PLCG2: variants seen among roughly 807,000 people sequenced by gnomAD.
PLCG2 encodes 1-phosphatidylinositol 4,5-bisphosphate phosphodiesterase gamma-2.
A neutral mutation model predicts 175.6 loss-of-function variants in PLCG2; 69 were observed. The observed-to-expected ratio is 0.39, with a 90% CI of 0.32 to 0.48. PLCG2 has a LOEUF of 0.48. PLCG2 is among the 20% of genes least tolerant of loss of function. PLCG2 has a pLI of 0.91. For missense variants in PLCG2, 1,798 were observed against 1,650.9 expected (o/e 1.09, Z -1.54); for synonymous variants, 827 against 624.0 (o/e 1.33, Z -4.85).
chr16:81,805,561 C>G (rs1419696160), intron 2 of PLCG2, among the ~76,000 whole-genome samples: 2 of 149,860 alleles, frequency 1.3e-5, no homozygotes, highest in East Asian at 3.9e-4. Flanking sequence ...AACAAAAGCT[C>G]AACAATAAGA....
intron 2 of PLCG2, among the ~76,000 whole-genome samples, chr16:81,804,182 C>T (rs1376020193): frequency 6.6e-6 from 1 of 152,194 alleles, no homozygotes; most frequent in Non-Finnish European, 1.5e-5. Context: ...TGTATGAGGG[C>T]TCCAACTTCC....
intron 2 of PLCG2, among the ~76,000 whole-genome samples, chr16:81,849,435 A>G (rs999456999): frequency 1.3e-5 from 2 of 152,184 alleles, no homozygotes; most frequent in Admixed American, 6.5e-5. Context: ...TTTTTCTGTA[A>G]GGACAGATGC....
intron 8 of PLCG2, among the ~76,000 whole-genome samples, chr16:81,881,740 G>C (rs1908089889): frequency 6.6e-6 from 1 of 152,044 alleles, no homozygotes; most frequent in East Asian, 1.9e-4. Context: ...CACCTTCCAG[G>C]TTCAAGCGAT....
intron 17 of PLCG2, among the ~76,000 whole-genome samples, chr16:81,909,351 C>T (rs865919122): frequency 1.1e-4 from 17 of 152,194 alleles, no homozygotes; most frequent in East Asian, 1.9e-4. Flanking sequence ...GATGCCCTGA[C>T]GTGGGGAATG....
chr16:81,948,770 C>A (rs1911252137), intron 31 of PLCG2, among the ~76,000 whole-genome samples: 1 of 152,110 alleles, frequency 6.6e-6, no homozygotes, highest in African/African-American at 2.4e-5. Context: ...CTCCAAAGAG[C>A]AAAAACTGCT....
intron 5 of PLCG2, among the ~76,000 whole-genome samples, chr16:81,859,831 C>T (rs1024694162): frequency 3.9e-5 from 6 of 152,016 alleles, no homozygotes; most frequent in East Asian, 3.9e-4. Context: ...CCACCGCGCC[C>T]GGCCACCAGG....
rs369383473 is a variant in PLCG2, at chr16:81,808,042, T to A, written c.193+21860T>A. Among the ~76,000 whole-genome samples the A allele has an allele frequency of 3.3e-5, 5 of 152,264 alleles. No individual in the cohort carries two copies. The South Asian group carries it at 6.2e-4, about 19-fold the overall frequency. On this transcript the variant is annotated intron_variant, in intron 2 of 32. Coordinates refer to ENST00000564138, the MANE Select transcript of PLCG2 (RefSeq NM_002661.5). ...CATGAGACTGCTGCGGAGACAGATA[T>A]GCAAACAATATTAGGTTGTTTCTAC...
intron 11 of PLCG2, among the ~76,000 whole-genome samples, chr16:81,892,471 G>T (rs944483445): frequency 6.6e-6 from 1 of 152,028 alleles, no homozygotes; most frequent in East Asian, 1.9e-4. Context: ...CATTCCAGGG[G>T]GTCATCTGGG....
intron 2 of PLCG2, among the ~76,000 whole-genome samples, chr16:81,800,200 T>TTTG: frequency 6.6e-6 from 1 of 152,332 alleles, no homozygotes; most frequent in East Asian, 1.9e-4. Flanking sequence ...ATTGCTATTA[T>TTTG]TATTGTTTAA....
intron 2 of PLCG2, among the ~76,000 whole-genome samples, chr16:81,760,482 C>G (rs1325856900): frequency 1.3e-5 from 2 of 152,158 alleles, no homozygotes; most frequent in Admixed American, 1.3e-4. Context: ...CGTCCCTACC[C>G]AAGCTGCAAG....
In PLCG2 at chr16:81,937,864, C is replaced by T. The variant is rs746561092; in HGVS notation, c.3159C>T (p.Pro1053=). The change falls in exon 28 of 33, where the codon CCC becomes CCT. Residue 1053 remains proline, a synonymous_variant. Coordinates refer to ENST00000564138, the MANE Select transcript of PLCG2 (RefSeq NM_002661.5). ...CAGAGAAATATGACCCGATGCCACCCGAGTCCCAGAGGAAGATCCTGATGA... is the reference window on the plus strand; with the variant it reads ...CAGAGAAATATGACCCGATGCCACCTGAGTCCCAGAGGAAGATCCTGATGA... ...MRTEKYDPMP[P]ESQRKILMTL... The T allele has an allele frequency of 4.2e-5, 67 of 1,613,928 alleles. No homozygotes were observed. Among genetic ancestry groups the T allele is most frequent in the Admixed American group, 5.0e-5 (3 of 59,998 alleles).
At chr16:81,871,483 C>T (rs1051379692) in intron 7 of PLCG2, among the ~76,000 whole-genome samples, 3 of 152,032 alleles carry the variant, frequency 2.0e-5, no homozygotes, top group East Asian at 1.9e-4. Flanking sequence ...GGATTGCAGA[C>T]GTGCGCCACC....
intron 2 of PLCG2, among the ~76,000 whole-genome samples, chr16:81,807,247 G>T (rs1215450570): frequency 6.6e-6 from 1 of 152,138 alleles, no homozygotes; most frequent in African/African-American, 2.4e-5. Context: ...GGAGAGGGAG[G>T]TCAGCTCTGG....
intron 2 of PLCG2, among the ~76,000 whole-genome samples, chr16:81,760,958 C>T (rs1910029750): frequency 6.6e-6 from 1 of 152,178 alleles, no homozygotes; most frequent in Admixed American, 6.6e-5. Context: ...GGCTAGAATG[C>T]AGTGGCGTGA....
chr16:81,785,106 G>A (rs969058909), intron 1 of PLCG2, among the ~76,000 whole-genome samples: 16 of 152,218 alleles, frequency 1.1e-4, no homozygotes, highest in African/African-American at 2.4e-4. Context: ...AGGAGGAGCC[G>A]GTGAAAGGGT....
At chr16:81,900,875 G>A in intron 14 of PLCG2, 95 bp downstream of exon 14, 1 of 1,151,318 alleles carries the variant, frequency 8.7e-7, no homozygotes. Flanking sequence ...ATGTCCTACT[G>A]GGCCTGCTCC....
intron 28 of PLCG2, 33 bp from the exon 29 acceptor site, chr16:81,938,767 AG>A (rs779978000): frequency 4.4e-6 from 6 of 1,363,104 alleles, no homozygotes; most frequent in African/African-American, 1.4e-5. Flanking sequence ...TCAGGACCCC[AG>A]GGGGGTTCCA....
intron 2 of PLCG2, among the ~76,000 whole-genome samples, chr16:81,826,836 C>A (rs564868159): frequency 5.3e-4 from 81 of 152,282 alleles, no homozygotes; most frequent in African/African-American, 1.9e-3. Flanking sequence ...TCAAGGCTGC[C>A]GGAGACAATT....
intron 2 of PLCG2, among the ~76,000 whole-genome samples, chr16:81,830,153 C>G (rs1905202815): frequency 6.6e-6 from 1 of 151,976 alleles, no homozygotes; most frequent in Admixed American, 6.6e-5. Flanking sequence ...AACCCTGTCT[C>G]TACAAAAAGT....
Sources: allele counts gnomAD v4.1 joint callset (sites outside exome capture counted in the v4.1 genomes callset), GRCh38; gene constraint gnomAD v4.1.1; transcripts MANE v1.5; gene names NCBI Gene and HGNC (gene_info 2026-07-23, HGNC 2026-07-21).